Variants in TUBGCP6 observed in about 807,000 individuals in gnomAD.
TUBGCP6 encodes the protein tubulin gamma complex component 6.
Under a neutral mutation model 175.8 loss-of-function variants are expected in TUBGCP6, and 161 were observed. That is an observed-to-expected ratio of 0.92 (90% CI 0.81 to 1.04). The LOEUF is 1.04. Ranked by LOEUF, TUBGCP6 falls within the 50% of genes least tolerant of loss-of-function variation. TUBGCP6 has a pLI of 0.00. For synonymous variants in TUBGCP6, 1,173 were observed against 1,030.5 expected (o/e 1.14, Z -2.65); for missense variants, 2,572 against 2,433.0 (o/e 1.06, Z -1.20).
intron 14 of TUBGCP6, 68 bp from the exon 15 acceptor site, chr22:50,222,170 C>CACAG: frequency 6.6e-7 from 1 of 1,520,412 alleles, no homozygotes; most frequent in South Asian, 1.1e-5. Flanking sequence ...CACACAAAGC[C>CACAG]ACAGCCCCTA....
Position 50,219,118 on chromosome 22 carries a change from TCAG to T in TUBGCP6, c.4573_4575del (p.Leu1525del), listed in dbSNP as rs1327198379. On this transcript the variant is annotated inframe_deletion, in exon 20 of 25. Transcript: ENST00000248846. ...GACTGGGCGAACTCGCCGTCCTCCA[TCAG>T]CAGGAAGTGCCGCAGTGCCTCATAG... The T allele has an allele frequency of 6.2e-7, 1 of 1,613,098 alleles. No homozygotes were observed. The highest frequency in any genetic ancestry group is 8.5e-7 in the Non-Finnish European group (1 of 1,179,990).
At chr22:50,235,177 C>T (rs1044471340) in intron 2 of TUBGCP6, among the ~76,000 whole-genome samples, 9 of 151,876 alleles carry the variant, frequency 5.9e-5, no homozygotes, top group African/African-American at 2.2e-4. Flanking sequence ...CATCTACACC[C>T]CTATTCACGG....
At chr22:50,219,562 C>T (rs1278451745) in intron 18 of TUBGCP6, 82 bp downstream of exon 18, 10 of 1,589,082 alleles carry the variant, frequency 6.3e-6, no homozygotes, top group Admixed American at 1.7e-5. Context: ...CCCAGGGCTC[C>T]GCCCCAACCC....
In TUBGCP6 at chr22:50,220,365, G is replaced by C. The variant is rs758168359; in HGVS notation, c.3994C>G (p.Pro1332Ala). 2 of 1,554,284 alleles carry C rather than the reference G, an allele frequency of 1.3e-6. No homozygotes were observed. Among genetic ancestry groups the C allele is most frequent in the Non-Finnish European group, 8.7e-7 (1 of 1,146,696 alleles). ...CTCCCCTCCCCGCAGCCCGAGCTGG[G>C]GGAGGACAGAGATGGCCCCACTTCT... is the stretch of plus-strand genomic sequence containing the variant. Reference protein sequence around the residue: ...PVEVGPSLSSPSSGCGEGSIS... With the variant: ...PVEVGPSLSSASSGCGEGSIS... The change falls in exon 16 of 25, where the codon CCC becomes GCC. Residue 1332 changes from proline (P) to alanine (A), a missense_variant. By Grantham distance (27) the Pro-to-Ala change is conservative. Transcript: ENST00000248846.
At chr22:50,218,927 G>A in intron 20 of TUBGCP6, 30 bp from the exon 21 acceptor site, 1 of 1,597,696 alleles carries the variant, frequency 6.3e-7, no homozygotes, top group Non-Finnish European at 8.5e-7. Flanking sequence ...CCGTCCCCAG[G>A]AGTCCCAAGC....
Position 50,229,468 on chromosome 22 carries a change from C to T in TUBGCP6, c.1226G>A (p.Arg409His), listed in dbSNP as rs762733400. The T allele has an allele frequency of 1.1e-5, 18 of 1,612,984 alleles. No homozygotes were observed. Among genetic ancestry groups the T allele is most frequent in the African/African-American group, 8.0e-5 (6 of 74,898 alleles). Residue 409 changes from arginine (R) to histidine (H), a missense_variant, in exon 4 of 25, where the codon CGC becomes CAC. Transcript: ENST00000248846. ...EVAEYGTCYTRLSHFSLQPVL... is the reference protein window; with the variant it reads ...EVAEYGTCYTHLSHFSLQPVL... ...GGGCTGCAGAGAGAAATGACTCAGG[C>T]GCGTGTAGCAGGTCCCATACTCGGC...
intron 2 of TUBGCP6, among the ~76,000 whole-genome samples, chr22:50,234,553 C>T (rs2064741581): frequency 6.8e-6 from 1 of 147,990 alleles, no homozygotes. Context: ...ATCATCCACA[C>T]CCAGGTCCAC....
Position 50,221,073 on chromosome 22 carries a change from C to T in TUBGCP6, c.3286G>A (p.Asp1096Asn), listed in dbSNP as rs145033260. The change falls in exon 16 of 25, where the codon GAT becomes AAT. Residue 1096 changes from aspartate to asparagine, a missense_variant. By Grantham distance (23) the Asp-to-Asn change is conservative (BLOSUM62 1). Transcript: ENST00000248846. ...CACCGTGGCCGAGTGGGAGCCACAT[C>T]TGACACAGACTCCCCTAAGCTGATG... ...ASISLGESVSDVAPTRPRWNI... is the reference protein window; with the variant it reads ...ASISLGESVSNVAPTRPRWNI... 2.5e-6 allele frequency: 4 copies of T among 1,613,160 alleles called. No homozygotes were observed. The African/African-American group carries it at 4.0e-5, about 16-fold the overall frequency.
chr22:50,243,968 G>A lies in TUBGCP6; in HGVS notation c.492C>T (p.Ile164=), dbSNP rs1446238385. The A allele has an allele frequency of 1.9e-6, 3 of 1,614,144 alleles. No individual in the cohort carries two copies. The highest frequency in any genetic ancestry group is 3.3e-4 in the Middle Eastern group (2 of 6,062). The change falls in exon 1 of 25, where the codon ATC becomes ATT. Residue 164 remains isoleucine (I), a synonymous_variant. Coordinates refer to ENST00000248846, the MANE Select transcript of TUBGCP6 (RefSeq NM_020461.4). ...SVFEMDVQSL[I]SREECLCHSM... is the part of the protein sequence containing the mutation. ...TGTGACACAAACACTCTTCTCTGGA[G>A]ATCAGAGACTGAACGTCCATCTCAA...
rs2064881806 is a variant in TUBGCP6, at chr22:50,243,890, C to T, written c.570G>A (p.Leu190=). 1 of 1,613,958 alleles carries T rather than the reference C, an allele frequency of 6.2e-7. No homozygotes were observed. ...CAAATGAGAAGAGCCCGACGGTGGG[C>T]AGGCCAGTGCCTGGAGCAGCCTCCA... ...QVMEAAPGTG[L]PTVGLFSFGD... The change falls in exon 1 of 25, where the codon CTG becomes CTA. Residue 190 remains leucine, a synonymous_variant. Coordinates refer to ENST00000248846, the MANE Select transcript of TUBGCP6 (RefSeq NM_020461.4).
At chr22:50,237,570 G>A (rs775685683) in intron 2 of TUBGCP6, among the ~76,000 whole-genome samples, 8 of 152,212 alleles carry the variant, frequency 5.3e-5, no homozygotes, top group Non-Finnish European at 5.9e-5. Flanking sequence ...ACTCTGCAGG[G>A]CCCTGGGCAG....
intron 1 of TUBGCP6, among the ~76,000 whole-genome samples, chr22:50,242,612 G>A (rs898428406): frequency 2.6e-5 from 4 of 152,188 alleles, no homozygotes; most frequent in Non-Finnish European, 5.9e-5. Flanking sequence ...TATCCTTTTG[G>A]CAACACTGAT....
Position 50,243,785 on chromosome 22 carries a change from G to A in TUBGCP6, c.675C>T (p.Asp225=), listed in dbSNP as rs761046883. Reference sequence around the variant, plus strand: ...GGGGCAGGCCCAGTCGGACGTCCATGTCATAAGTGCGGCTGTGCACAAGGG... The same window carrying A: ...GGGGCAGGCCCAGTCGGACGTCCATATCATAAGTGCGGCTGTGCACAAGGG... ...FGALVHSRTY[D]MDVRLGLPPV... The change falls in exon 1 of 25, where the codon GAC becomes GAT. Residue 225 remains aspartate (D), a synonymous_variant. Transcript: ENST00000248846. 4 of 1,613,594 alleles carry A rather than the reference G, an allele frequency of 2.5e-6. No homozygotes were observed. Among genetic ancestry groups the A allele is most frequent in the Non-Finnish European group, 3.4e-6 (4 of 1,180,002 alleles).
chr22:50,240,196 G>A lies in TUBGCP6; in HGVS notation c.905+8C>T. ...GCACTGCATGCCAAGGCAAAGAAGG[G>A]CACACACCAGCCAACTCGCTCCCAG... On this transcript the variant is annotated splice_region_variant and intron_variant, in intron 2 of 24. Coordinates refer to ENST00000248846, the MANE Select transcript of TUBGCP6 (RefSeq NM_020461.4). The A allele has an allele frequency of 6.2e-7, 1 of 1,613,286 alleles. No homozygotes were observed. Among genetic ancestry groups the A allele is most frequent in the Non-Finnish European group, 8.5e-7 (1 of 1,179,968 alleles).
chr22:50,225,126 G>A (rs1426534311), intron 10 of TUBGCP6, among the ~76,000 whole-genome samples: 2 of 149,790 alleles, frequency 1.3e-5, no homozygotes, highest in Non-Finnish European at 1.5e-5. Context: ...GACGGGAGCT[G>A]ACCGGCTCTC....
At chr22:50,227,304 C>T (rs2147190474) in intron 5 of TUBGCP6, among the ~76,000 whole-genome samples, 1 of 152,168 alleles carries the variant, frequency 6.6e-6, no homozygotes, top group Admixed American at 6.5e-5. Flanking sequence ...ACTGAAGTAC[C>T]CACACCCAGC....
chr22:50,226,793 C>A lies in TUBGCP6; in HGVS notation c.1541G>T (p.Ser514Ile). ...CAGCAGTACAGGGTAGTGCTCGTTG[C>A]TGCAGTTGTGCAGAGCCTCCTGGTA... is the stretch of plus-strand genomic sequence containing the variant. The part of the protein sequence containing the change: ...YLYQEALHNC[S>I]NEHYPVLLSL... Residue 514 changes from serine (S) to isoleucine (I), a missense_variant, in exon 7 of 25, where the codon AGC becomes ATC. Ser to Ile is a moderately radical substitution (Grantham distance 142). Coordinates refer to ENST00000248846, the MANE Select transcript of TUBGCP6 (RefSeq NM_020461.4). 6.3e-7 allele frequency: 1 copy of A among 1,592,400 alleles called. No homozygotes were observed. The highest frequency in any genetic ancestry group is 1.8e-5 in the Admixed American group (1 of 55,548).
intron 1 of TUBGCP6, among the ~76,000 whole-genome samples, chr22:50,240,762 G>T (rs535682043): frequency 6.6e-6 from 1 of 152,250 alleles, no homozygotes; most frequent in Non-Finnish European, 1.5e-5. Flanking sequence ...GGCTGAGGCA[G>T]GTGGATCACC....
chr22:50,226,258 C>T, intron 8 of TUBGCP6, 29 bp downstream of exon 8: 1 of 1,613,996 alleles, frequency 6.2e-7, no homozygotes, highest in Non-Finnish European at 8.5e-7. Context: ...CAGGCACGGA[C>T]CCCTGCCCCG....
Sources: gnomAD v4.1 joint callset for allele counts (sites outside exome capture counted in the v4.1 genomes callset) on GRCh38, gnomAD v4.1.1 for gene constraint, MANE v1.5 for transcripts, NCBI Gene and HGNC (gene_info 2026-07-23, HGNC 2026-07-21) for gene names.